The following TTN variants were observed in gnomAD, a reference collection of about 807,000 sequenced individuals.
TTN encodes the protein titin, also known as connectin.
Under a neutral mutation model 3,223.0 loss-of-function variants are expected in TTN, and 1,525 were observed. The ratio of observed to expected loss-of-function variants is 0.47; its 90% CI spans 0.45 to 0.49. The LOEUF is 0.49. Among genes scored for constraint, TTN ranks in the 20% least tolerant of loss-of-function variants. TTN has a pLI of 0.00. For missense variants in TTN, 40,786 were observed against 43,424.0 expected (o/e 0.94, Z 5.40); for synonymous variants, 14,094 against 15,161.0 (o/e 0.93, Z 5.17).
chr2:178,723,978 A>G lies in TTN; in HGVS notation c.21281T>C (p.Phe7094Ser). 1.2e-6 allele frequency: 2 copies of G among 1,613,566 alleles called. No homozygotes were observed. Among genetic ancestry groups the G allele is most frequent in the Non-Finnish European group, 1.7e-6 (2 of 1,179,626 alleles). The stretch of plus-strand genomic sequence containing the variant: ...CTGCAATGTGCAGACATTATCTGAA[A>G]ATGTGGTTTGGTACTTTGCTCCACT... ...IVSGAKYQTT[F>S]SDNVCTLQLN... Residue 7094 changes from phenylalanine to serine, a missense_variant, in exon 73 of 363, where the codon TTT (phenylalanine) becomes TCT (serine). Phe to Ser is a radical substitution (Grantham distance 155). Transcript: ENST00000589042.
rs754054875 is a variant in TTN at position 178,723,148 on chromosome 2, G to C, written c.21859C>G (p.Leu7287Val). 5 of 1,613,352 alleles carry C rather than the reference G, an allele frequency of 3.1e-6. No homozygotes were observed. In the African/African-American group the frequency reaches 6.7e-5, roughly 22 times the overall value. The change falls in exon 75 of 363, where the codon CTG becomes GTG. Residue 7287 changes from leucine (L) to valine (V), a missense_variant. Physicochemically the swap from Leu to Val is conservative, Grantham distance 32 (BLOSUM62 1). Transcript: ENST00000589042. ...CTTTTTGTGCTATTCAGAATTTCCA[G>C]GATACAAGTTTTCTCTGTTGTGACT... ...NIVTTEKTCI[L>V]EILNSTKRDA...
rs770295958 is a variant in TTN at position 178,637,437 on chromosome 2, C to T, written c.40877-18G>A. 10 of 1,463,460 alleles carry T rather than the reference C, an allele frequency of 6.8e-6. No homozygotes were observed. The highest frequency in any genetic ancestry group is 9.0e-6 in the Non-Finnish European group (10 of 1,107,388). The allele number at this position is 1,463,460 out of a possible 1,614,324, so 90.7% of individuals were successfully genotyped here. Reference sequence around the variant, plus strand: ...TTTGGCTTCTGAAATAAAAATAAAACTCAGCATTTAAACACTTTTCGGACT... The same window carrying T: ...TTTGGCTTCTGAAATAAAAATAAAATTCAGCATTTAAACACTTTTCGGACT... On this transcript the variant is annotated intron_variant, in intron 223 of 362. Transcript: ENST00000589042.
In TTN at chr2:178,600,666, A is replaced by G. The variant is rs753471451; in HGVS notation, c.56050+188T>C. 2.5e-5 allele frequency: 17 copies of G among 683,328 alleles called. 1 individual carries two copies. The highest frequency in any genetic ancestry group is 4.4e-5 in the Non-Finnish European group (17 of 389,766). 42.3% of individuals were successfully genotyped at this position (683,328 alleles called of 1,614,324 possible). A position where few individuals can be genotyped will look rare whatever the true frequency, so the allele number is the denominator to read the frequency against. Reference sequence around the variant, plus strand: ...CTCCTTTGAACAGGGAAAAGGTAACAGGTAAGGGAATGTGAAAATTCTGTG... The same window carrying G: ...CTCCTTTGAACAGGGAAAAGGTAACGGGTAAGGGAATGTGAAAATTCTGTG... On this transcript the variant is annotated intron_variant, in intron 288 of 362. Coordinates refer to ENST00000589042, the MANE Select transcript of TTN (RefSeq NM_001267550.2).
Position 178,767,917 on chromosome 2 carries a change from T to A in TTN, c.9313A>T (p.Ile3105Phe). Residue 3105 changes from isoleucine (I) to phenylalanine (F), a missense_variant, in exon 40 of 363, where the codon ATT becomes TTT. Coordinates refer to ENST00000589042, the MANE Select transcript of TTN (RefSeq NM_001267550.2). The part of the protein sequence containing the change: ...QELQITDRIK[I>F]QKEKYVHRLL... ...CGGTGGACATATTTCTCCTTCTGAATCTTTATTCTATGGATGAAATGGAAA... is the reference window on the plus strand; with the variant it reads ...CGGTGGACATATTTCTCCTTCTGAAACTTTATTCTATGGATGAAATGGAAA... 1 of 1,614,096 alleles carries A rather than the reference T, an allele frequency of 6.2e-7. No homozygotes were observed. The highest frequency in any genetic ancestry group is 8.5e-7 in the Non-Finnish European group (1 of 1,179,998).
chr2:178,768,341 C>A (rs552777000), intron 38 of TTN, among the ~76,000 whole-genome samples, 186 bp from the exon 39 acceptor site: 1 of 152,310 alleles, frequency 6.6e-6, no homozygotes, highest in East Asian at 1.9e-4. Flanking sequence ...TAACCCTTAG[C>A]CATCACCCCA....
Position 178,779,032 on chromosome 2 carries a change from A to T in TTN, c.4050T>A (p.Arg1350=), listed in dbSNP as rs777819793. 5 of 1,614,078 alleles carry T rather than the reference A, an allele frequency of 3.1e-6. No homozygotes were observed. In the South Asian group the frequency reaches 5.5e-5, roughly 18 times the overall value. ...CATCTTCTGGAAGAACAACAGGTAT[A>T]CGCAGACTAGCTCTGCCATCTTGTA... ...DFLQDGRASL[R]IPVVLPEDEG... The change falls in exon 24 of 363, where the codon CGT becomes CGA. Residue 1350 remains arginine, a synonymous_variant. Transcript: ENST00000589042.
rs566816279 is a variant in TTN at position 178,770,419 on chromosome 2, G to A, written c.8373C>T (p.His2791=). Residue 2791 remains histidine (H), a synonymous_variant, in exon 35 of 363, where the codon CAC becomes CAT. Transcript: ENST00000589042. ...GTTTCTAAATCAACTTACTCTCCAC[G>A]TGCAGTCTGGCACTGGCTCCAAGCC... ...LGRLGASARL[H]VETVKIIKKP... is the part of the protein sequence containing the mutation. 1.1e-5 allele frequency: 17 copies of A among 1,614,086 alleles called. No homozygotes were observed. Among genetic ancestry groups the A allele is most frequent in the African/African-American group, 4.0e-5 (3 of 75,022 alleles).
rs1339062544 is a variant in TTN at position 178,642,103 on chromosome 2, A to G, written c.40558+134T>C. 7 of 645,916 alleles carry G rather than the reference A, an allele frequency of 1.1e-5. No individual in the cohort carries two copies. In the East Asian group the frequency reaches 1.3e-4, roughly 12 times the overall value. The allele number at this position is 645,916 out of a possible 1,614,324, so 40.0% of individuals were successfully genotyped here. ...GAAATGACATTTTTCTTAATTTTCA[A>G]TGAAACTACAAACAAATTTTGATAA... is the stretch of plus-strand genomic sequence containing the variant. On this transcript the variant is annotated intron_variant, in intron 219 of 362. Transcript: ENST00000589042.
At chr2:178,748,274 T>C in intron 47 of TTN, 1 of 1,613,056 alleles carries the variant, frequency 6.2e-7, no homozygotes, top group Non-Finnish European at 8.5e-7. Flanking sequence ...TAAGTTTTGT[T>C]CCTGTACATG....
Position 178,756,529 on chromosome 2 carries a change from C to G in TTN, c.10947G>C (p.Lys3649Asn), listed in dbSNP as rs763758746. Residue 3649 changes from lysine (K) to asparagine (N), a missense_variant, in exon 46 of 363, where the codon AAG (lysine) becomes AAC (asparagine). Physicochemically the swap from Lys to Asn is moderately conservative, Grantham distance 94 (BLOSUM62 0). Coordinates refer to ENST00000589042, the MANE Select transcript of TTN (RefSeq NM_001267550.2). ...SQIAESTELS[K>N]ECAKESTGEA... ...CACCCGTGGACTCTTTAGCACATTC[C>G]TTAGATAGCTCAGTGCTTTCTGCAA... 5.6e-6 allele frequency: 9 copies of G among 1,613,010 alleles called. No individual in the cohort carries two copies. The East Asian group carries it at 2.0e-4, about 36-fold the overall frequency.
In TTN at chr2:178,647,460, G is replaced by A. The variant is rs1406504956; in HGVS notation, c.40062C>T (p.Pro13354=). Residue 13354 remains proline (P), a synonymous_variant, in exon 214 of 363, where the codon CCC becomes CCT. Coordinates refer to ENST00000589042, the MANE Select transcript of TTN (RefSeq NM_001267550.2). ...KKPEVLPEKV[P]KVPEKIIPEK... Reference sequence around the variant, plus strand: ...CTGGGATGATTTTCTCAGGCACTTTGGGCACTTTAAAGATATGATTTTGTT... The same window carrying A: ...CTGGGATGATTTTCTCAGGCACTTTAGGCACTTTAAAGATATGATTTTGTT... The A allele has an allele frequency of 6.5e-7, 1 of 1,549,524 alleles. No homozygotes were observed. Among genetic ancestry groups the A allele is most frequent in the South Asian group, 1.2e-5 (1 of 83,992 alleles).
rs1455635388 is a variant in TTN, at chr2:178,593,626, A to C, written c.58674T>G (p.Asn19558Lys). Residue 19558 changes from asparagine (N) to lysine (K), a missense_variant, in exon 298 of 363, where the codon AAT becomes AAG. Asn to Lys is a moderately conservative substitution (Grantham distance 94). Coordinates refer to ENST00000589042, the MANE Select transcript of TTN (RefSeq NM_001267550.2). Reference sequence around the variant, plus strand: ...CCAGAGGATCACTTATTCCATACAGATTTTCAGCATGTATCCGGAAAATAT... The same window carrying C: ...CCAGAGGATCACTTATTCCATACAGCTTTTCAGCATGTATCCGGAAAATAT... ...KDYIFRIHAE[N>K]LYGISDPLVS... The C allele has an allele frequency of 6.2e-7, 1 of 1,612,848 alleles. No individual in the cohort carries two copies. Among genetic ancestry groups the C allele is most frequent in the Non-Finnish European group, 8.5e-7 (1 of 1,179,542 alleles).
Position 178,553,641 on chromosome 2 carries a change from T to G in TTN, c.89364A>C (p.Gly29788=). 2 of 1,613,894 alleles carry G rather than the reference T, an allele frequency of 1.2e-6. No individual in the cohort carries two copies. Among genetic ancestry groups the G allele is most frequent in the Non-Finnish European group, 1.7e-6 (2 of 1,179,828 alleles). The change falls in exon 334 of 363, where the codon GGA becomes GGC. Residue 29788 remains glycine (G), a synonymous_variant. Coordinates refer to ENST00000589042, the MANE Select transcript of TTN (RefSeq NM_001267550.2). ...CCACATATTCTGTAGTTCTGACCTC[T>G]CCTTTGGTAGAGACAGTAGTCCATT... is the stretch of plus-strand genomic sequence containing the variant. ...EEEWTTVSTK[G]EVRTTEYVVS...
At position 178,590,834 on chromosome 2, in the gene TTN, A is replaced by G; in HGVS notation, c.60891T>C (p.Ser20297=). 6.2e-7 allele frequency: 1 copy of G among 1,607,120 alleles called. No homozygotes were observed. Among genetic ancestry groups the G allele is most frequent in the Non-Finnish European group, 8.5e-7 (1 of 1,174,316 alleles). ...AATVSWTLPK[S]DGGSPITGYY... ...AGCCAGTTATTGGACTGCCACCATCAGATTTTGGCAGGGTCCAAGACACTG... is the reference window on the plus strand; with the variant it reads ...AGCCAGTTATTGGACTGCCACCATCGGATTTTGGCAGGGTCCAAGACACTG... Residue 20297 remains serine (S), a synonymous_variant, in exon 304 of 363, where the codon TCT becomes TCC. Transcript: ENST00000589042.
rs72647854 is a variant in TTN at position 178,792,238 on chromosome 2, C to A, written c.1537-41G>T. On this transcript the variant is annotated intron_variant, in intron 9 of 362. Transcript: ENST00000589042. Reference sequence around the variant, plus strand: ...TAAGAAAAAACTTTATTTCCTGATGCCCAATGAAATAATATGGTGTTTATT... The same window carrying A: ...TAAGAAAAAACTTTATTTCCTGATGACCAATGAAATAATATGGTGTTTATT... 3,598 of 1,574,652 alleles carry A rather than the reference C, an allele frequency of 2.3e-3. 83 individuals are homozygous for A. In the African/African-American group the frequency reaches 0.043, roughly 19 times the overall value.
chr2:178,742,640 C>T (rs1330210021), intron 47 of TTN, among the ~76,000 whole-genome samples: 1 of 152,076 alleles, frequency 6.6e-6, no homozygotes, highest in Non-Finnish European at 1.5e-5. Context: ...TACAGAACCA[C>T]TGAGCAAGAA....
Position 178,573,187 on chromosome 2 carries a change from G to C in TTN, c.72945C>G (p.Tyr24315Ter), listed in dbSNP as rs879087983. ...ISAPSPTSPF[Y>*]KACDTVFKPG... ...GTTTAAACACAGTGTCACAAGCCTT[G>C]TAAAATGGACTGGTAGGACTTGGTG... is the stretch of plus-strand genomic sequence containing the variant. The change falls in exon 326 of 363, where the codon TAC becomes TAG. Residue 24315 changes from tyrosine to a stop codon, truncating the protein, a stop_gained. Transcript: ENST00000589042. LOFTEE classifies it high-confidence loss of function. 2 of 1,610,564 alleles carry C rather than the reference G, an allele frequency of 1.2e-6. No individual in the cohort carries two copies. Among genetic ancestry groups the C allele is most frequent in the African/African-American group, 1.3e-5 (1 of 74,966 alleles).
chr2:178,670,369 T>G, intron 156 of TTN, 74 bp from the exon 157 acceptor site: 1 of 845,402 alleles, frequency 1.2e-6, no homozygotes, highest in Non-Finnish European at 1.7e-6. Flanking sequence ...ATGAGAGATA[T>G]AAACACAGAA....
At chr2:178,711,017 TATA>T in intron 97 of TTN, 42 bp downstream of exon 97, 1 of 1,547,986 alleles carries the variant, frequency 6.5e-7, no homozygotes, top group Non-Finnish European at 8.7e-7. Flanking sequence ...CATATTTGAT[TATA>T]ATACTTTAAT....
Sources: gnomAD v4.1 joint callset for allele counts (sites outside exome capture counted in the v4.1 genomes callset) on GRCh38, gnomAD v4.1.1 for gene constraint, MANE v1.5 for transcripts, NCBI Gene and HGNC (gene_info 2026-07-23, HGNC 2026-07-21) for gene names.